The following TENM2 variants were observed in gnomAD, a reference collection of about 807,000 sequenced individuals.
TENM2 encodes the protein teneurin transmembrane protein 2, also known as teneurin-2.
In TENM2, 52 loss-of-function variants were observed where a neutral mutation model predicts 245.2. That is an observed-to-expected ratio of 0.21 (90% CI 0.17 to 0.27). The LOEUF (loss-of-function observed/expected upper bound fraction) is 0.27, where lower values mean the gene tolerates loss of function less well. TENM2 is among the 10% of genes least tolerant of loss of function. The probability of loss-of-function intolerance (pLI) is 1.00; values close to 1 mark genes in which losing one functional copy is unlikely to be tolerated. For synonymous variants in TENM2, 1,363 were observed against 1,438.9 expected, an observed-to-expected ratio of 0.95 and a Z score of 1.19; for missense variants, 3,046 against 3,666.8, an observed-to-expected ratio of 0.83 and a Z score of 4.37.
intron 2 of TENM2, among the ~76,000 whole-genome samples, chr5:167,815,114 G>A (rs554052524): frequency 1.2e-4 from 19 of 152,202 alleles, no homozygotes; most frequent in African/African-American, 4.6e-4. Flanking sequence ...TTTTCTTTGT[G>A]GTTTTAAGCA....
the TENM2 span, among the ~76,000 whole-genome samples, chr5:167,062,232 C>T: frequency 6.6e-6 from 1 of 151,980 alleles, no homozygotes; most frequent in Non-Finnish European, 1.5e-5. Flanking sequence ...TGCTCTTTAT[C>T]TTCTTTAGTA....
chr5:168,052,265 C>T (rs1458433902), intron 6 of TENM2, among the ~76,000 whole-genome samples: 2 of 151,786 alleles, frequency 1.3e-5, no homozygotes, highest in Admixed American at 6.6e-5. Flanking sequence ...GTGGTGGGTG[C>T]CTGTAGTCCC....
intron 2 of TENM2, among the ~76,000 whole-genome samples, chr5:167,721,625 C>T (rs1427550897): frequency 6.6e-6 from 1 of 152,182 alleles, no homozygotes; most frequent in Non-Finnish European, 1.5e-5. Context: ...CCTCTGACCA[C>T]AGCCAGGAAA....
At chr5:167,859,370 G>C (rs1312887679) in intron 2 of TENM2, among the ~76,000 whole-genome samples, 3 of 149,006 alleles carry the variant, frequency 2.0e-5, no homozygotes, top group South Asian at 2.1e-4. Context: ...CCCCGTCCGG[G>C]AGGGAGGTGG....
intron 6 of TENM2, among the ~76,000 whole-genome samples, chr5:168,052,434 G>T (rs1160102645): frequency 6.0e-5 from 9 of 151,222 alleles, no homozygotes; most frequent in Non-Finnish European, 1.3e-4. Flanking sequence ...ATATGTGTAT[G>T]TATGTGTATA....
intron 2 of TENM2, among the ~76,000 whole-genome samples, chr5:167,381,973 A>G (rs1414748880): frequency 2.6e-5 from 4 of 152,180 alleles, no homozygotes; most frequent in Non-Finnish European, 2.9e-5. Context: ...AAGTAATAAA[A>G]TGATTGTATA....
chr5:167,825,496 A>T (rs1767895731), intron 2 of TENM2, among the ~76,000 whole-genome samples: 1 of 152,102 alleles, frequency 6.6e-6, no homozygotes, highest in Admixed American at 6.5e-5. Flanking sequence ...TGCAGTAGCC[A>T]TCTCCTTTTC....
At chr5:168,181,553 T>C (rs1323893160) in intron 13 of TENM2, among the ~76,000 whole-genome samples, 1 of 152,182 alleles carries the variant, frequency 6.6e-6, no homozygotes, top group African/African-American at 2.4e-5. Flanking sequence ...GAAGGTGCTT[T>C]GGTACAACGA....
chr5:167,895,115 A>C (rs1238957141), intron 3 of TENM2, among the ~76,000 whole-genome samples: 1 of 152,122 alleles, frequency 6.6e-6, no homozygotes, highest in African/African-American at 2.4e-5. Flanking sequence ...GGCCTTTAAC[A>C]TGTTTATGTG....
chr5:167,909,418 T>G (rs906330035), intron 3 of TENM2, among the ~76,000 whole-genome samples: 2 of 152,220 alleles, frequency 1.3e-5, no homozygotes, highest in Non-Finnish European at 2.9e-5. Context: ...ATGTACCCCC[T>G]AAATCTAAAA....
At chr5:167,953,765 G>A (rs1160067216) in intron 4 of TENM2, among the ~76,000 whole-genome samples, 3 of 152,182 alleles carry the variant, frequency 2.0e-5, no homozygotes, top group Non-Finnish European at 4.4e-5. Context: ...TAGGTTTGAG[G>A]AAAGACAGAA....
intron 2 of TENM2, among the ~76,000 whole-genome samples, chr5:167,590,495 G>A (rs1775803993): frequency 6.6e-6 from 1 of 151,956 alleles, no homozygotes; most frequent in African/African-American, 2.4e-5. Context: ...CTAGATATTT[G>A]CACTGTTACT....
chr5:167,674,175 T>G (rs1429817049), intron 2 of TENM2, among the ~76,000 whole-genome samples: 1 of 152,150 alleles, frequency 6.6e-6, no homozygotes, highest in African/African-American at 2.4e-5. Flanking sequence ...CTGCCTCCAG[T>G]CACTCTGCTG....
At chr5:167,912,786 C>T (rs1469549230) in intron 3 of TENM2, among the ~76,000 whole-genome samples, 1 of 152,160 alleles carries the variant, frequency 6.6e-6, no homozygotes, top group Non-Finnish European at 1.5e-5. Flanking sequence ...TTTTAGAACA[C>T]TGATTTTGAA....
At chr5:168,022,557 G>A (rs1263633028) in intron 5 of TENM2, among the ~76,000 whole-genome samples, 13 of 152,246 alleles carry the variant, frequency 8.5e-5, no homozygotes, top group East Asian at 1.9e-4. Flanking sequence ...TCTACCACTC[G>A]GGTTAAGTTT....
intron 2 of TENM2, among the ~76,000 whole-genome samples, chr5:167,455,307 G>T (rs1397598898): frequency 6.6e-6 from 1 of 152,112 alleles, no homozygotes; most frequent in Non-Finnish European, 1.5e-5. Flanking sequence ...TCTGAGCTTT[G>T]AAATGAAAAT....
intron 2 of TENM2, among the ~76,000 whole-genome samples, chr5:167,775,321 G>A (rs764106710): frequency 6.6e-6 from 1 of 152,194 alleles, no homozygotes; most frequent in Non-Finnish European, 1.5e-5. Flanking sequence ...GAGGAAACCA[G>A]GTTGTGTGGC....
exon 9 of TENM2, chr5:168,098,084 G>A (rs769925023): frequency 1.2e-6 from 2 of 1,613,776 alleles, no homozygotes; most frequent in East Asian, 2.2e-5. Context: ...TGTCCGGGGT[G>A]TGTCACTGTT....
At chr5:167,515,592 T>C (rs553583637) in intron 2 of TENM2, among the ~76,000 whole-genome samples, 13 of 142,684 alleles carry the variant, frequency 9.1e-5, no homozygotes, top group Non-Finnish European at 1.5e-4. Flanking sequence ...GTAGAGAAGA[T>C]AGTGAATCAT....
Sources: gnomAD v4.1 joint callset for allele counts (sites outside exome capture counted in the v4.1 genomes callset) on GRCh38, gnomAD v4.1.1 for gene constraint, MANE v1.5 for transcripts, NCBI Gene and HGNC (gene_info 2026-07-23, HGNC 2026-07-21) for gene names.